The following RANBP2 variants were observed in gnomAD, a reference collection of about 807,000 sequenced individuals.
RANBP2 encodes RAN binding protein 2.
Under a neutral mutation model 303.6 loss-of-function variants are expected in RANBP2, and 57 were observed. The ratio of observed to expected loss-of-function variants is 0.19; its 90% CI spans 0.15 to 0.23. The LOEUF is 0.23. Ranked by LOEUF, RANBP2 falls within the 10% of genes least tolerant of loss-of-function variation. The pLI is 1.00. For synonymous variants in RANBP2, 1,167 were observed against 1,301.5 expected, an observed-to-expected ratio of 0.90 and a Z score of 2.23; for missense variants, 3,138 against 3,780.8, an observed-to-expected ratio of 0.83 and a Z score of 4.46.
intron 1 of RANBP2, among the ~76,000 whole-genome samples, chr2:108,727,240 G>A (rs1212967384): frequency 6.6e-6 from 1 of 152,200 alleles, no homozygotes; most frequent in Non-Finnish European, 1.5e-5. Context: ...GAAGAGGTGA[G>A]TTTTTGACTT....
At chr2:109,415,735 G>A in the RANBP2 span, among the ~76,000 whole-genome samples, 14 of 152,228 alleles carry the variant, frequency 9.2e-5, no homozygotes, top group Admixed American at 5.2e-4. Flanking sequence ...CCTCCAAACC[G>A]TCACTTCATC....
At chr2:108,873,580 C>A in the RANBP2 span, 5 of 1,591,120 alleles carry the variant, frequency 3.1e-6, no homozygotes, top group Admixed American at 5.3e-5. Flanking sequence ...CAGAAACTTT[C>A]CAAAATCAAG....
At chr2:109,564,607 T>A in the RANBP2 span, 1 of 1,282,186 alleles carries the variant, frequency 7.8e-7, no homozygotes, top group Non-Finnish European at 1.0e-6. Flanking sequence ...GTTTGCTGAA[T>A]GAACAAATAA....
chr2:108,721,085 G>C (rs1291787237), intron 1 of RANBP2, among the ~76,000 whole-genome samples: 1 of 152,064 alleles, frequency 6.6e-6, no homozygotes, highest in African/African-American at 2.4e-5. Flanking sequence ...GGAAACTCAC[G>C]GATGACCATG....
the RANBP2 span, among the ~76,000 whole-genome samples, chr2:109,170,279 CT>C: frequency 1.6e-5 from 2 of 125,010 alleles, no homozygotes; most frequent in East Asian, 3.7e-4. Context: ...CTTCTCTTCT[CT>C]TCTCTTCTCT....
At chr2:109,009,288 C>T in the RANBP2 span, among the ~76,000 whole-genome samples, 3 of 151,786 alleles carry the variant, frequency 2.0e-5, no homozygotes, top group Admixed American at 6.6e-5. Flanking sequence ...TGTAGTGAGC[C>T]GAGATGGTGC....
At chr2:109,459,693 G>A in the RANBP2 span, among the ~76,000 whole-genome samples, 4 of 152,116 alleles carry the variant, frequency 2.6e-5, no homozygotes, top group East Asian at 1.9e-4. Flanking sequence ...ATCCCAAAGC[G>A]GCTGAGTGGC....
the RANBP2 span, among the ~76,000 whole-genome samples, chr2:109,682,337 A>G: frequency 6.6e-6 from 1 of 152,170 alleles, no homozygotes; most frequent in South Asian, 2.1e-4. Context: ...AGATGTACTT[A>G]TAATAAATTT....
At chr2:108,728,055 A>C (rs1211016871) in intron 1 of RANBP2, among the ~76,000 whole-genome samples, 6 of 152,300 alleles carry the variant, frequency 3.9e-5, no homozygotes, top group South Asian at 4.1e-4. Context: ...AGAACAGTAC[A>C]TGGACCAGGG....
chr2:108,910,880 G>A, the RANBP2 span: 5 of 1,614,102 alleles, frequency 3.1e-6, no homozygotes, highest in Non-Finnish European at 4.2e-6. Flanking sequence ...TGAGCAGCCA[G>A]GCTCTCCGAC....
At chr2:109,556,736 A>AC in the RANBP2 span, among the ~76,000 whole-genome samples, 1 of 152,166 alleles carries the variant, frequency 6.6e-6, no homozygotes, top group Non-Finnish European at 1.5e-5. Flanking sequence ...CACTAGTCCA[A>AC]CATGACTGAT....
chr2:109,608,557 C>A, the RANBP2 span, among the ~76,000 whole-genome samples: 1 of 152,142 alleles, frequency 6.6e-6, no homozygotes, highest in Non-Finnish European at 1.5e-5. Flanking sequence ...CTGGGGAGCC[C>A]ATCCTACCTG....
chr2:109,659,585 C>G, the RANBP2 span, among the ~76,000 whole-genome samples: 1 of 152,204 alleles, frequency 6.6e-6, no homozygotes, highest in Non-Finnish European at 1.5e-5. Flanking sequence ...GGGGGCTGGA[C>G]AGCCCCTGCA....
At chr2:109,440,762 G>C in the RANBP2 span, among the ~76,000 whole-genome samples, 5 of 152,172 alleles carry the variant, frequency 3.3e-5, no homozygotes, top group Non-Finnish European at 5.9e-5. Flanking sequence ...GCAGTGACCA[G>C]AGAGGAGAGA....
the RANBP2 span, among the ~76,000 whole-genome samples, chr2:109,539,119 G>A: frequency 2.6e-5 from 4 of 151,732 alleles, 1 homozygote; most frequent in African/African-American, 9.7e-5. Context: ...CCAATATGGT[G>A]AAACCCCGTC....
At chr2:109,597,963 C>G in the RANBP2 span, among the ~76,000 whole-genome samples, 2 of 152,166 alleles carry the variant, frequency 1.3e-5, no homozygotes, top group African/African-American at 2.4e-5. Flanking sequence ...TTTTCCTTAC[C>G]CTGCTGGGAA....
At chr2:108,853,974 AT>A in the RANBP2 span, among the ~76,000 whole-genome samples, 5 of 104,860 alleles carry the variant, frequency 4.8e-5, no homozygotes, top group African/African-American at 1.8e-4. Context: ...TAAAATATAT[AT>A]AATATATAAT....
At chr2:108,792,894 C>T in the RANBP2 span, among the ~76,000 whole-genome samples, 1 of 150,488 alleles carries the variant, frequency 6.6e-6, no homozygotes. Context: ...GAAACCCTGT[C>T]TCTACTAAAA....
At chr2:108,809,735 TC>T in the RANBP2 span, among the ~76,000 whole-genome samples, 1 of 152,192 alleles carries the variant, frequency 6.6e-6, no homozygotes, top group Non-Finnish European at 1.5e-5. Flanking sequence ...GTGGAGTCTT[TC>T]GGTTTCTTTG....
Sources: allele counts gnomAD v4.1 joint callset (sites outside exome capture counted in the v4.1 genomes callset), GRCh38; gene constraint gnomAD v4.1.1; transcripts MANE v1.5; gene names NCBI Gene and HGNC (gene_info 2026-07-23, HGNC 2026-07-21).